The following AKAP6 variants were observed in gnomAD, a reference collection of about 807,000 sequenced individuals.
AKAP6 encodes the protein A-kinase anchoring protein 6, also known as A-kinase anchor protein 6.
AKAP6 carries 58 observed loss-of-function variants against 188.5 expected under a neutral mutation model. That is an observed-to-expected ratio of 0.31 (90% CI 0.25 to 0.38). The LOEUF (loss-of-function observed/expected upper bound fraction) is 0.38. AKAP6 is among the 10% of genes least tolerant of loss of function. The probability of loss-of-function intolerance (pLI) is 1.00; values close to 1 mark genes in which losing one functional copy is unlikely to be tolerated. For synonymous variants in AKAP6, 989 were observed against 998.6 expected (o/e 0.99, Z 0.18); for missense variants, 2,710 against 2,740.0 (o/e 0.99, Z 0.24).
rs866849409 is a variant in AKAP6, at chr14:32,582,784, C to T, written c.2469+5542C>T. Among the ~76,000 whole-genome samples, 69 of 152,330 alleles carry T rather than the reference C, an allele frequency of 4.5e-4. No individual in the cohort carries two copies. The Middle Eastern group carries it at 0.017, about 38-fold the overall frequency. ...CCTTTCTTCCAGTTGATCGCATCAG[C>T]TCCTGAGGCTTCTGCATTCTTCACG... On this transcript the variant is annotated intron_variant, in intron 5 of 13. Coordinates refer to ENST00000280979, the MANE Select transcript of AKAP6 (RefSeq NM_004274.5).
At chr14:32,765,728 A>G (rs921252780) in intron 11 of AKAP6, among the ~76,000 whole-genome samples, 4 of 149,604 alleles carry the variant, frequency 2.7e-5, no homozygotes, top group Admixed American at 2.7e-4. Flanking sequence ...AAAAAAACCT[A>G]CAAGTTTGCA....
chr14:32,405,194 G>A (rs570391656), intron 1 of AKAP6, among the ~76,000 whole-genome samples: 1 of 152,186 alleles, frequency 6.6e-6, no homozygotes, highest in African/African-American at 2.4e-5. Flanking sequence ...GGATCATTTT[G>A]TACCATACTT....
intron 2 of AKAP6, among the ~76,000 whole-genome samples, chr14:32,489,855 G>C (rs562600636): frequency 6.6e-6 from 1 of 152,226 alleles, no homozygotes; most frequent in Non-Finnish European, 1.5e-5. Context: ...CGTGTGAAGA[G>C]ACCACCAAAC....
intron 4 of AKAP6, among the ~76,000 whole-genome samples, chr14:32,567,909 A>C (rs987794550): frequency 6.6e-6 from 1 of 152,172 alleles, no homozygotes; most frequent in Non-Finnish European, 1.5e-5. Flanking sequence ...TGAACTGTAG[A>C]AAAAAGAAAG....
intron 12 of AKAP6, among the ~76,000 whole-genome samples, chr14:32,819,330 C>T (rs1273486087): frequency 6.6e-6 from 1 of 152,112 alleles, no homozygotes; most frequent in Non-Finnish European, 1.5e-5. Flanking sequence ...GTGTGGTACC[C>T]TTTAACTATT....
intron 2 of AKAP6, among the ~76,000 whole-genome samples, chr14:32,449,521 C>CAAAAAA (rs33960351): frequency 1.2e-4 from 13 of 104,534 alleles, no homozygotes; most frequent in East Asian, 3.1e-4. Flanking sequence ...GACTCCATCT[C>CAAAAAA]AAAAAAAAAA....
chr14:32,786,459 C>G lies in AKAP6; in HGVS notation c.3588+12566C>G, dbSNP rs377092020. ...AGTAGCTGGGACTACAGGCGCCCAC[C>G]ACCACGCCCGGCTAATTATTTTATT... On this transcript the variant is annotated intron_variant, in intron 12 of 13. Transcript: ENST00000280979. Among the ~76,000 whole-genome samples the G allele has an allele frequency of 3.3e-5, 5 of 150,188 alleles. No homozygotes were observed. The East Asian group carries it at 9.7e-4, about 29-fold the overall frequency.
chr14:32,736,481 CAA>C (rs1365328791), intron 11 of AKAP6, among the ~76,000 whole-genome samples: 3 of 152,126 alleles, frequency 2.0e-5, no homozygotes, highest in Non-Finnish European at 4.4e-5. Context: ...ATTGTTTACA[CAA>C]TATCTATTTA....
At chr14:32,766,060 G>C (rs1207785635) in intron 11 of AKAP6, among the ~76,000 whole-genome samples, 2 of 152,002 alleles carry the variant, frequency 1.3e-5, no homozygotes, top group Admixed American at 1.3e-4. Context: ...TCCACTTTCT[G>C]TTTCTATGTA....
intron 11 of AKAP6, among the ~76,000 whole-genome samples, chr14:32,744,853 C>G (rs1391880568): frequency 6.6e-6 from 1 of 152,054 alleles, no homozygotes; most frequent in Non-Finnish European, 1.5e-5. Context: ...AGTCTGTCTT[C>G]AAGCTCACTA....
intron 2 of AKAP6, among the ~76,000 whole-genome samples, chr14:32,522,732 A>ACTGTTGGTGGGAGTGTAAACTAGTTCAAC (rs1881908261): frequency 6.6e-6 from 1 of 152,236 alleles, no homozygotes. Context: ...ACATTTTTAT[A>ACTGTTGGTGGGAGTGTAAACTAGTTCAAC]CTGTTGGTGG....
At chr14:32,587,603 G>T (rs560886863) in intron 5 of AKAP6, among the ~76,000 whole-genome samples, 1 of 152,330 alleles carries the variant, frequency 6.6e-6, no homozygotes, top group Admixed American at 6.5e-5. Context: ...GTTAAGAATA[G>T]AGAAGAGGGA....
chr14:32,706,607 G>A (rs1320356682), intron 9 of AKAP6, among the ~76,000 whole-genome samples: 1 of 152,094 alleles, frequency 6.6e-6, no homozygotes, highest in Non-Finnish European at 1.5e-5. Flanking sequence ...CAGTCCTGTT[G>A]AGGAAGCAGT....
chr14:32,421,912 T>C (rs1339590151), intron 1 of AKAP6, among the ~76,000 whole-genome samples: 1 of 152,118 alleles, frequency 6.6e-6, no homozygotes, highest in Non-Finnish European at 1.5e-5. Context: ...GGGCTGGGGA[T>C]CTCAACATTC....
chr14:32,757,171 C>G (rs2032368640), intron 11 of AKAP6, among the ~76,000 whole-genome samples: 1 of 152,180 alleles, frequency 6.6e-6, no homozygotes, highest in South Asian at 2.1e-4. Flanking sequence ...TTCAATACAT[C>G]TTTTCTTGTC....
chr14:32,540,127 G>A (rs868052028), intron 3 of AKAP6, among the ~76,000 whole-genome samples: 147 of 117,022 alleles, frequency 1.3e-3, no homozygotes, highest in African/African-American at 5.4e-3. Flanking sequence ...TTCTTTGCTC[G>A]TGCGCTCTCT....
chr14:32,404,843 C>T (rs1250396502), intron 1 of AKAP6, among the ~76,000 whole-genome samples: 2 of 149,412 alleles, frequency 1.3e-5, no homozygotes, highest in Non-Finnish European at 3.0e-5. Flanking sequence ...TATTCTTAGG[C>T]TAGTAAGGTG....
chr14:32,813,074 A>G (rs2034279659), intron 12 of AKAP6, among the ~76,000 whole-genome samples: 1 of 152,174 alleles, frequency 6.6e-6, no homozygotes, highest in Non-Finnish European at 1.5e-5. Flanking sequence ...TCAGATGCCA[A>G]TCACGCAATT....
chr14:32,758,998 C>T (rs2032445389), intron 11 of AKAP6, among the ~76,000 whole-genome samples: 1 of 152,078 alleles, frequency 6.6e-6, no homozygotes, highest in African/African-American at 2.4e-5. Flanking sequence ...TATGTTGCAC[C>T]TCCATACAAG....
Sources: allele counts gnomAD v4.1 joint callset (sites outside exome capture counted in the v4.1 genomes callset), GRCh38; gene constraint gnomAD v4.1.1; transcripts MANE v1.5; gene names NCBI Gene and HGNC (gene_info 2026-07-23, HGNC 2026-07-21).